Variants in RUNX2 observed in about 807,000 individuals in gnomAD.
The protein encoded by RUNX2 is RUNX family transcription factor 2.
In RUNX2, 10 loss-of-function variants were observed where a neutral mutation model predicts 51.7. The ratio of observed to expected loss-of-function variants is 0.19; its 90% confidence interval spans 0.12 to 0.33. The LOEUF (loss-of-function observed/expected upper bound fraction) is 0.33. RUNX2 is among the 10% of genes least tolerant of loss of function. The pLI, the probability that RUNX2 is intolerant of heterozygous loss-of-function variation, is 1.00. For synonymous variants in RUNX2, 276 were observed against 273.6 expected (o/e 1.01, Z -0.09); for missense variants, 562 against 691.3 (o/e 0.81, Z 2.10).
At chr6:45,460,777 A>AAAAAAGAGTGAGTGACCCTTGAC (rs1218808452) in intron 5 of RUNX2, among the ~76,000 whole-genome samples, 2 of 151,976 alleles carry the variant, frequency 1.3e-5, no homozygotes. Context: ...CTCTTAAAAA[A>AAAAAAGAGTGAGTGACCCTTGAC]AAAAGAGTGA....
intron 5 of RUNX2, among the ~76,000 whole-genome samples, chr6:45,468,832 C>A (rs1799715048): frequency 6.6e-6 from 1 of 152,138 alleles, no homozygotes; most frequent in African/African-American, 2.4e-5. Flanking sequence ...CAGCTGCACA[C>A]CCCCAATCAT....
chr6:45,489,931 T>A (rs1327476016), intron 5 of RUNX2, among the ~76,000 whole-genome samples: 1 of 152,222 alleles, frequency 6.6e-6, no homozygotes, highest in Non-Finnish European at 1.5e-5. Context: ...TCACTGGGCT[T>A]AGTTCTTAGG....
intron 2 of RUNX2, among the ~76,000 whole-genome samples, chr6:45,354,719 G>T (rs1156705361): frequency 2.0e-5 from 3 of 151,986 alleles, no homozygotes; most frequent in African/African-American, 7.3e-5. Flanking sequence ...AAAGTTTTAG[G>T]CCAGGTGTGG....
chr6:45,404,325 G>C (rs1244282949), intron 2 of RUNX2, among the ~76,000 whole-genome samples: 1 of 111,438 alleles, frequency 9.0e-6, no homozygotes. Context: ...AGAAAAAAAA[G>C]TATTCTAGGC....
chr6:45,342,622 CATAAT>C (rs1437500237), intron 2 of RUNX2, among the ~76,000 whole-genome samples: 2 of 152,060 alleles, frequency 1.3e-5, no homozygotes. Context: ...TCAAAACAGT[CATAAT>C]ATAAGGTTTA....
At chr6:45,353,839 G>A (rs938064200) in intron 2 of RUNX2, among the ~76,000 whole-genome samples, 30 of 150,958 alleles carry the variant, frequency 2.0e-4, no homozygotes, top group Non-Finnish European at 3.2e-4. Flanking sequence ...AGGTGCTGGC[G>A]GGGAAAATAG....
intron 7 of RUNX2, among the ~76,000 whole-genome samples, chr6:45,527,854 A>T (rs1270779344): frequency 6.6e-6 from 1 of 152,156 alleles, no homozygotes; most frequent in Non-Finnish European, 1.5e-5. Context: ...CAATGATGAG[A>T]TGAATTTTGG....
chr6:45,422,495 CA>C, intron 2 of RUNX2, 97 bp from the exon 3 acceptor site: 1 of 444,338 alleles, frequency 2.3e-6, no homozygotes, highest in Non-Finnish European at 3.9e-6. Context: ...GTCTCGCCTT[CA>C]CCCCCCCAAT....
intron 7 of RUNX2, among the ~76,000 whole-genome samples, chr6:45,519,790 ATGTGTGTGTGTGTG>A (rs35210688): frequency 6.0e-4 from 75 of 124,122 alleles, no homozygotes; most frequent in East Asian, 1.5e-3. Flanking sequence ...ATATATATAT[ATGTGTGTGTGTGTG>A]TGTGTGTGTG....
At chr6:45,426,623 A>C (rs1483081828) in intron 3 of RUNX2, among the ~76,000 whole-genome samples, 1 of 152,238 alleles carries the variant, frequency 6.6e-6, no homozygotes, top group Non-Finnish European at 1.5e-5. Flanking sequence ...CTGCTGTTTT[A>C]AGTTAGAGAA....
intron 7 of RUNX2, among the ~76,000 whole-genome samples, 159 bp from the exon 8 acceptor site, chr6:45,545,058 C>T (rs908957189): frequency 6.6e-6 from 1 of 152,114 alleles, no homozygotes; most frequent in African/African-American, 2.4e-5. Flanking sequence ...TTACCCTCTG[C>T]TTATGGGCCT....
At chr6:45,536,051 A>T (rs1316253057) in intron 7 of RUNX2, among the ~76,000 whole-genome samples, 1 of 151,986 alleles carries the variant, frequency 6.6e-6, no homozygotes, top group Non-Finnish European at 1.5e-5. Flanking sequence ...GTAGGCAAAC[A>T]TGAACAAGGA....
chr6:45,423,770 G>A (rs1021867246), intron 3 of RUNX2, among the ~76,000 whole-genome samples: 1 of 152,206 alleles, frequency 6.6e-6, no homozygotes, highest in Non-Finnish European at 1.5e-5. Flanking sequence ...GGGCCGCTGG[G>A]GCGTCCGCAA....
At chr6:45,452,492 C>A (rs2150380868) in intron 5 of RUNX2, among the ~76,000 whole-genome samples, 1 of 152,300 alleles carries the variant, frequency 6.6e-6, no homozygotes, top group Non-Finnish European at 1.5e-5. Flanking sequence ...AGAAGCCAAG[C>A]ATCAGAGTTT....
In RUNX2 at chr6:45,550,069, A is replaced by T. The variant is rs1269334253; in HGVS notation, c.*2764A>T. 6.6e-6 allele frequency: 1 copy of T among 151,004 alleles called. No individual in the cohort carries two copies. Among genetic ancestry groups the T allele is most frequent in the Non-Finnish European group, 1.5e-5 (1 of 67,800 alleles). The allele number at this position is 151,004 out of a possible 1,614,324, so 9.4% of individuals were successfully genotyped here. Reference sequence around the variant, plus strand: ...CATGTGTTTGATTTGTGATTTCAAGACCAAAGCAAAGTCTTACTACTACTG... The same window carrying T: ...CATGTGTTTGATTTGTGATTTCAAGTCCAAAGCAAAGTCTTACTACTACTG... On this transcript the variant is annotated 3_prime_UTR_variant, in exon 9 of 9. Coordinates refer to ENST00000647337, the MANE Select transcript of RUNX2 (RefSeq NM_001024630.4).
At chr6:45,381,728 C>T (rs1269140714) in intron 2 of RUNX2, among the ~76,000 whole-genome samples, 1 of 152,134 alleles carries the variant, frequency 6.6e-6, no homozygotes. Flanking sequence ...CATGCCCTGC[C>T]TGATGTTACA....
chr6:45,536,660 C>T (rs554607369), intron 7 of RUNX2, among the ~76,000 whole-genome samples: 36 of 152,316 alleles, frequency 2.4e-4, no homozygotes, highest in African/African-American at 6.3e-4. Context: ...TCCTTTTCCC[C>T]GGCATCTCTC....
At chr6:45,407,485 C>T (rs1180525319) in intron 2 of RUNX2, among the ~76,000 whole-genome samples, 1 of 152,042 alleles carries the variant, frequency 6.6e-6, no homozygotes, top group African/African-American at 2.4e-5. Flanking sequence ...TCTTCTTCCA[C>T]AAAATCATTT....
chr6:45,473,749 A>G (rs1799873857), intron 5 of RUNX2, among the ~76,000 whole-genome samples: 1 of 152,240 alleles, frequency 6.6e-6, no homozygotes, highest in Non-Finnish European at 1.5e-5. Flanking sequence ...AACCTCTGTT[A>G]AAACCATATG....
Sources: allele counts gnomAD v4.1 joint callset (sites outside exome capture counted in the v4.1 genomes callset), GRCh38; gene constraint gnomAD v4.1.1; transcripts MANE v1.5; gene names NCBI Gene and HGNC (gene_info 2026-07-23, HGNC 2026-07-21).